INTS6L: variants seen among roughly 807,000 people sequenced by gnomAD.
The protein encoded by INTS6L is integrator complex subunit 6 like, also known as integrator complex subunit 6-like.
In INTS6L, 18 loss-of-function variants were observed where a neutral mutation model predicts 64.7. The ratio of observed to expected loss-of-function variants is 0.28; its 90% CI spans 0.19 to 0.41. INTS6L has a LOEUF of 0.41. INTS6L is among the 10% of genes least tolerant of loss of function. The pLI is 1.00. For synonymous variants in INTS6L, 227 were observed against 235.9 expected (o/e 0.96, Z 0.34); for missense variants, 533 against 661.0 (o/e 0.81, Z 2.12).
chrX:135,564,731 C>CA (rs112666496), intron 9 of INTS6L, among the ~76,000 whole-genome samples: 1,385 of 95,186 alleles, frequency 0.015, 10 homozygotes, highest in East Asian at 0.031. Flanking sequence ...TACACTGTCT[C>CA]AAAAAAAAAA....
intron 5 of INTS6L, 31 bp from the exon 6 acceptor site, chrX:135,547,106 C>T (rs1556515313): frequency 7.5e-6 from 9 of 1,197,596 alleles, no homozygotes; most frequent in Non-Finnish European, 1.0e-5. Flanking sequence ...TTTGATCAAA[C>T]TTGTGCTATT....
intron 8 of INTS6L, among the ~76,000 whole-genome samples, chrX:135,554,310 A>AT (rs1424788647): frequency 5.4e-5 from 6 of 111,600 alleles, no homozygotes; most frequent in East Asian, 2.8e-4. Flanking sequence ...TGTGCATGTG[A>AT]TTTTTTTTAT....
intron 7 of INTS6L, among the ~76,000 whole-genome samples, chrX:135,551,294 A>C (rs893457107): frequency 8.9e-6 from 1 of 111,754 alleles, no homozygotes; most frequent in African/African-American, 3.3e-5. Context: ...GGTGCTCTCC[A>C]ATCACACAAG....
intron 2 of INTS6L, among the ~76,000 whole-genome samples, chrX:135,534,826 G>T (rs1276745326): frequency 9.2e-6 from 1 of 108,822 alleles, no homozygotes; most frequent in East Asian, 2.9e-4. Flanking sequence ...ACTATGGTTG[G>T]CTAATTTGTA....
At chrX:135,571,423 T>TAAAG (rs2087089218) in intron 11 of INTS6L, 1 of 111,910 alleles carries the variant, frequency 8.9e-6, no homozygotes, top group Non-Finnish European at 1.9e-5. Flanking sequence ...GTTTGGCCTT[T>TAAAG]AGGAAATGGA....
chrX:135,546,952 C>A, intron 5 of INTS6L, 67 bp downstream of exon 5: 1 of 1,143,947 alleles, frequency 8.7e-7, no homozygotes, highest in Non-Finnish European at 1.2e-6. Context: ...TCATTAAATG[C>A]CATATCCAGT....
chrX:135,520,686 G>C lies in INTS6L; in HGVS notation c.-307G>C, dbSNP rs2085510447. 2 of 302,281 alleles carry C rather than the reference G, an allele frequency of 6.6e-6. No individual in the cohort carries two copies. Among genetic ancestry groups the C allele is most frequent in the Admixed American group, 1.1e-4 (2 of 18,157 alleles). The allele number at this position is 302,281 out of a possible 1,213,427, so 24.9% of individuals were successfully genotyped here. A position where few individuals can be genotyped will look rare whatever the true frequency, so the allele number is the denominator to read the frequency against. Reference sequence around the variant, plus strand: ...GTCTGGGGCGAGCGCTCTAGTGAGCGCGGACGGATGCTTAGGCAGTAGTCC... The same window carrying C: ...GTCTGGGGCGAGCGCTCTAGTGAGCCCGGACGGATGCTTAGGCAGTAGTCC... On this transcript the variant is annotated 5_prime_UTR_variant, in exon 1 of 18. Coordinates refer to ENST00000639893, the MANE Select transcript of INTS6L (RefSeq NM_001351601.3).
At chrX:135,576,071 A>G (rs1366703770) in intron 14 of INTS6L, among the ~76,000 whole-genome samples, 3 of 111,977 alleles carry the variant, frequency 2.7e-5, no homozygotes, top group African/African-American at 9.8e-5. Flanking sequence ...TCACGCCTGT[A>G]ATCCCAGCAC....
At chrX:135,539,620 G>A (rs1260836142) in intron 2 of INTS6L, among the ~76,000 whole-genome samples, 1 of 112,249 alleles carries the variant, frequency 8.9e-6, no homozygotes, top group Non-Finnish European at 1.9e-5. Context: ...GGTGCAAGAG[G>A]CCTAGCTATC....
intron 11 of INTS6L, chrX:135,571,854 A>G (rs373026744): frequency 8.9e-6 from 1 of 111,933 alleles, no homozygotes; most frequent in South Asian, 3.7e-4. Context: ...GTATCATTTT[A>G]CAAATGAGCT....
intron 3 of INTS6L, among the ~76,000 whole-genome samples, chrX:135,545,994 C>G (rs953059471): frequency 2.7e-5 from 3 of 112,137 alleles, no homozygotes; most frequent in African/African-American, 6.5e-5. Flanking sequence ...CAGAGTCACT[C>G]TCCAGGTTGC....
chrX:135,552,275 T>C (rs2148627709), intron 8 of INTS6L, 129 bp downstream of exon 8: 1 of 757,111 alleles, frequency 1.3e-6, no homozygotes, highest in East Asian at 3.6e-5. Context: ...TCATGAATGC[T>C]GTCAAATAAG....
intron 2 of INTS6L, among the ~76,000 whole-genome samples, chrX:135,532,955 C>A (rs1292451875): frequency 9.0e-6 from 1 of 110,796 alleles, no homozygotes; most frequent in Non-Finnish European, 1.9e-5. Context: ...CACATGCCTG[C>A]AGTCCCAGCT....
chrX:135,553,896 A>G (rs1222630270), intron 8 of INTS6L, among the ~76,000 whole-genome samples: 14 of 112,158 alleles, frequency 1.2e-4, no homozygotes, highest in African/African-American at 4.5e-4. Flanking sequence ...CTTCAGAGAA[A>G]CTTAAGAAAT....
intron 9 of INTS6L, among the ~76,000 whole-genome samples, chrX:135,557,885 C>G (rs1374383589): frequency 1.8e-5 from 2 of 111,888 alleles, no homozygotes; most frequent in Non-Finnish European, 3.8e-5. Flanking sequence ...ATTTGCAAAT[C>G]ATATATCTTA....
In INTS6L at chrX:135,579,805, G is replaced by A. The variant is rs782642686; in HGVS notation, c.2137G>A (p.Asp713Asn). The A allele has an allele frequency of 4.9e-5, 58 of 1,185,054 alleles. No individual in the cohort carries two copies. The South Asian group carries it at 9.6e-4, about 20-fold the overall frequency. Residue 713 changes from aspartate to asparagine, a missense_variant, in exon 16 of 18, where the codon GAT (aspartate) becomes AAT (asparagine). Physicochemically the swap from Asp to Asn is conservative, Grantham distance 23. Transcript: ENST00000639893. ...LVHTDATIIHDGHEEKMENGQ... is the reference protein window; with the variant it reads ...LVHTDATIIHNGHEEKMENGQ... The stretch of plus-strand genomic sequence containing the variant: ...GTTTCCAGATGCTACTATCATTCAC[G>A]ATGGCCATGAGGAGAAGATGGAAAA...
At chrX:135,570,285 C>T in intron 10 of INTS6L, 151 bp from the exon 11 acceptor site, 2 of 444,409 alleles carry the variant, frequency 4.5e-6, no homozygotes, top group Admixed American at 4.6e-5. Flanking sequence ...CTGCTATTTT[C>T]ATTGCCACTT....
chrX:135,574,716 G>C (rs782676680), intron 13 of INTS6L, among the ~76,000 whole-genome samples: 5 of 111,845 alleles, frequency 4.5e-5, no homozygotes, highest in Admixed American at 2.8e-4. Context: ...CAGTGATTAA[G>C]ACCTACTAAC....
chrX:135,568,361 C>G (rs1281507314), intron 9 of INTS6L, among the ~76,000 whole-genome samples: 1 of 109,889 alleles, frequency 9.1e-6, no homozygotes, highest in African/African-American at 3.3e-5. Flanking sequence ...GAATTTTAAA[C>G]TTCAACCTAA....
Sources: gnomAD v4.1 joint callset for allele counts (sites outside exome capture counted in the v4.1 genomes callset) on GRCh38, gnomAD v4.1.1 for gene constraint, MANE v1.5 for transcripts, NCBI Gene and HGNC (gene_info 2026-07-23, HGNC 2026-07-21) for gene names.